Variants in TMEM132D observed in about 807,000 individuals in gnomAD.
The protein encoded by TMEM132D is mature OL transmembrane protein.
TMEM132D carries 21 observed loss-of-function variants against 62.3 expected under a neutral mutation model. The observed-to-expected ratio is 0.34, with a 90% CI of 0.24 to 0.49. The LOEUF (loss-of-function observed/expected upper bound fraction) is 0.49, where lower values mean the gene tolerates loss of function less well. Ranked by LOEUF, TMEM132D falls within the 20% of genes least tolerant of loss-of-function variation. TMEM132D has a pLI of 0.99. For synonymous variants in TMEM132D, 621 were observed against 575.6 expected (o/e 1.08, Z -1.13); for missense variants, 1,346 against 1,402.8 (o/e 0.96, Z 0.65).
Position 129,073,754 on chromosome 12 carries a change from T to C in TMEM132D, c.*121A>G. 1.1e-6 allele frequency: 1 copy of C among 916,086 alleles called. No homozygotes were observed. The highest frequency in any genetic ancestry group is 1.8e-5 in the South Asian group (1 of 55,206). The allele number at this position is 916,086 out of a possible 1,614,324, so 56.7% of individuals were successfully genotyped here. On this transcript the variant is annotated 3_prime_UTR_variant, in exon 9 of 9. Coordinates refer to ENST00000422113, the MANE Select transcript of TMEM132D (RefSeq NM_133448.3). ...GCCGGGGTCATTGGCTGAGGCTGTA[T>C]GGATAGTGTCATCCTTATTTTGTCC...
At chr12:129,187,854 A>G (rs1593289667) in intron 5 of TMEM132D, among the ~76,000 whole-genome samples, 2 of 152,334 alleles carry the variant, frequency 1.3e-5, no homozygotes, top group South Asian at 4.1e-4. Flanking sequence ...GTAAAGAAGT[A>G]TTTTCTGGCC....
intron 1 of TMEM132D, among the ~76,000 whole-genome samples, chr12:129,834,177 A>T (rs1190909011): frequency 1.4e-5 from 2 of 143,510 alleles, no homozygotes; most frequent in African/African-American, 2.5e-5. Context: ...CTGGAAATAC[A>T]CTTTAAGACT....
At chr12:129,412,353 A>C (rs1871990533) in intron 3 of TMEM132D, among the ~76,000 whole-genome samples, 1 of 152,224 alleles carries the variant, frequency 6.6e-6, no homozygotes, top group Admixed American at 6.5e-5. Context: ...CTAAATGAAC[A>C]TTAATTTTGT....
chr12:129,592,423 A>C (rs982137589), intron 2 of TMEM132D, among the ~76,000 whole-genome samples: 4 of 152,208 alleles, frequency 2.6e-5, no homozygotes, highest in African/African-American at 4.8e-5. Flanking sequence ...TCCCTTTCAC[A>C]GGATAATCCA....
intron 5 of TMEM132D, among the ~76,000 whole-genome samples, chr12:129,189,814 C>T (rs1878331922): frequency 6.6e-6 from 1 of 152,116 alleles, no homozygotes; most frequent in Non-Finnish European, 1.5e-5. Flanking sequence ...GTGTCCTCAT[C>T]CCTGCAGACT....
intron 4 of TMEM132D, among the ~76,000 whole-genome samples, chr12:129,214,545 G>A (rs1879148480): frequency 1.3e-5 from 2 of 152,288 alleles, no homozygotes; most frequent in African/African-American, 4.8e-5. Context: ...TAACATGCCT[G>A]AATAAAATGA....
At chr12:129,484,213 G>A (rs367862216) in intron 3 of TMEM132D, among the ~76,000 whole-genome samples, 5 of 152,036 alleles carry the variant, frequency 3.3e-5, no homozygotes, top group East Asian at 3.9e-4. Flanking sequence ...CAGATGATCT[G>A]CCTGCCTTGG....
At chr12:129,215,248 T>C (rs1879169412) in intron 4 of TMEM132D, among the ~76,000 whole-genome samples, 1 of 152,162 alleles carries the variant, frequency 6.6e-6, no homozygotes, top group Admixed American at 6.5e-5. Context: ...TTATACCACA[T>C]GTTCTCGCTT....
chr12:129,625,403 C>T (rs1879187177), intron 2 of TMEM132D, among the ~76,000 whole-genome samples: 2 of 152,164 alleles, frequency 1.3e-5, no homozygotes, highest in African/African-American at 4.8e-5. Flanking sequence ...GTTCTTTCTT[C>T]CACCTTTGGC....
intron 5 of TMEM132D, among the ~76,000 whole-genome samples, chr12:129,096,712 G>T (rs1875127860): frequency 2.0e-5 from 3 of 152,158 alleles, no homozygotes; most frequent in Non-Finnish European, 4.4e-5. Context: ...TCTTAGTTAT[G>T]ACATGGAACA....
intron 2 of TMEM132D, among the ~76,000 whole-genome samples, chr12:129,579,499 C>T (rs557092143): frequency 5.3e-5 from 8 of 152,138 alleles, no homozygotes; most frequent in Non-Finnish European, 1.2e-4. Context: ...GTGGAGAAAC[C>T]GACATTGCAT....
chr12:129,544,017 A>T (rs1360907511), intron 2 of TMEM132D, among the ~76,000 whole-genome samples: 4 of 152,220 alleles, frequency 2.6e-5, no homozygotes. Context: ...GGAATTGCCA[A>T]GTCAAAAGAG....
chr12:129,169,939 C>A (rs1299582792), intron 5 of TMEM132D, among the ~76,000 whole-genome samples: 4 of 152,176 alleles, frequency 2.6e-5, no homozygotes, highest in African/African-American at 9.7e-5. Context: ...TATTTTCTAA[C>A]ACATTACATC....
intron 1 of TMEM132D, among the ~76,000 whole-genome samples, chr12:129,829,846 C>A: frequency 6.6e-6 from 1 of 152,130 alleles, no homozygotes; most frequent in Non-Finnish European, 1.5e-5. Context: ...AAACCCAGAG[C>A]TTTTACCATC....
At chr12:129,524,622 T>C (rs80116919) in intron 3 of TMEM132D, among the ~76,000 whole-genome samples, 3 of 152,234 alleles carry the variant, frequency 2.0e-5, no homozygotes, top group African/African-American at 7.2e-5. Flanking sequence ...GATTGATGGC[T>C]AAGCTTTTAT....
intron 4 of TMEM132D, among the ~76,000 whole-genome samples, chr12:129,282,979 G>A (rs1246517650): frequency 1.3e-5 from 2 of 152,130 alleles, no homozygotes; most frequent in Non-Finnish European, 2.9e-5. Flanking sequence ...TTCTGGGTAC[G>A]ACAGGATAAA....
At chr12:129,255,788 G>C (rs955903933) in intron 4 of TMEM132D, among the ~76,000 whole-genome samples, 3 of 152,164 alleles carry the variant, frequency 2.0e-5, no homozygotes, top group African/African-American at 7.2e-5. Flanking sequence ...AACACACTTG[G>C]AGAGAGAGGG....
At chr12:129,185,269 G>T (rs1475517791) in intron 5 of TMEM132D, among the ~76,000 whole-genome samples, 1 of 152,082 alleles carries the variant, frequency 6.6e-6, no homozygotes, top group African/African-American at 2.4e-5. Context: ...AGCTTTCAAA[G>T]AAATGAGATT....
rs758958312 is a variant in TMEM132D, at chr12:129,655,755, C to T, written c.968+44055G>A. ...GCAAATGAGCTGCTATCTGTTGAAC[C>T]GGAAAATAGCATCATCTTAAAAGAG... On this transcript the variant is annotated intron_variant, in intron 2 of 8. Coordinates refer to ENST00000422113, the MANE Select transcript of TMEM132D (RefSeq NM_133448.3). Among the ~76,000 whole-genome samples, 4 of 152,080 alleles carry T rather than the reference C, an allele frequency of 2.6e-5. 1 individual carries two copies.
Sources: gnomAD v4.1 joint callset for allele counts (sites outside exome capture counted in the v4.1 genomes callset) on GRCh38, gnomAD v4.1.1 for gene constraint, MANE v1.5 for transcripts, NCBI Gene and HGNC (gene_info 2026-07-23, HGNC 2026-07-21) for gene names.